Variants in FTO observed in about 807,000 individuals in gnomAD.
FTO encodes alpha-ketoglutarate-dependent dioxygenase FTO.
A neutral mutation model predicts 63.9 loss-of-function variants in FTO; 47 were observed. The observed-to-expected ratio is 0.74, with a 90% CI of 0.58 to 0.94. FTO has a LOEUF of 0.94. Among genes scored for constraint, FTO ranks in the 40% least tolerant of loss-of-function variants. FTO has a pLI of 0.00. For missense variants in FTO, 562 were observed against 618.1 expected (o/e 0.91, Z 0.96); for synonymous variants, 207 against 224.4 (o/e 0.92, Z 0.69).
chr16:53,712,894 T>G (rs1285083009), intron 1 of FTO, among the ~76,000 whole-genome samples: 1 of 152,036 alleles, frequency 6.6e-6, no homozygotes, highest in Non-Finnish European at 1.5e-5. Flanking sequence ...CTGAGTTTAG[T>G]GATACAGATT....
intron 7 of FTO, chr16:53,922,966 CTAAT>C (rs1396308014): frequency 1.3e-5 from 2 of 152,146 alleles, no homozygotes; most frequent in Non-Finnish European, 2.9e-5. Flanking sequence ...CTTGGTAAGA[CTAAT>C]TATGCTGTTT....
At chr16:53,872,162 A>C (rs1034088158) in intron 4 of FTO, among the ~76,000 whole-genome samples, 12 of 152,138 alleles carry the variant, frequency 7.9e-5, no homozygotes, top group African/African-American at 2.9e-4. Flanking sequence ...ATGTAGTGGG[A>C]GCCATTTTGG....
At chr16:54,098,900 T>C (rs532608884) in intron 8 of FTO, among the ~76,000 whole-genome samples, 10 of 152,368 alleles carry the variant, frequency 6.6e-5, no homozygotes, top group South Asian at 2.1e-4. Context: ...AAATGTTTTT[T>C]AGAATGTTGT....
At chr16:53,951,440 C>T (rs1026775580) in intron 8 of FTO, among the ~76,000 whole-genome samples, 3 of 152,194 alleles carry the variant, frequency 2.0e-5, no homozygotes, top group African/African-American at 7.2e-5. Flanking sequence ...GTCTAATCTA[C>T]AGTGACTTTG....
intron 1 of FTO, among the ~76,000 whole-genome samples, chr16:53,739,047 A>G (rs1483142548): frequency 6.6e-6 from 1 of 152,080 alleles, no homozygotes; most frequent in African/African-American, 2.4e-5. Context: ...AACTGGTCTC[A>G]AACTCCTGGG....
At chr16:53,735,587 T>C (rs2076374683) in intron 1 of FTO, among the ~76,000 whole-genome samples, 1 of 152,192 alleles carries the variant, frequency 6.6e-6, no homozygotes, top group Non-Finnish European at 1.5e-5. Context: ...CAAAAACAAA[T>C]CTGCTCTTAA....
chr16:53,984,949 G>A (rs2083632231), intron 8 of FTO: 1 of 456,544 alleles, frequency 2.2e-6, no homozygotes, highest in Admixed American at 2.3e-5. Context: ...GCAGAGAGGA[G>A]TGTTGGTAAG....
At chr16:53,860,881 AAC>A (rs35826323) in intron 4 of FTO, among the ~76,000 whole-genome samples, 40,137 of 145,358 alleles carry the variant, frequency 0.28, 5,359 homozygotes, top group South Asian at 0.36. Context: ...AAATGTTTTT[AAC>A]ACACACACAC....
At chr16:53,802,448 A>G (rs1203382979) in intron 1 of FTO, among the ~76,000 whole-genome samples, 1 of 152,110 alleles carries the variant, frequency 6.6e-6, no homozygotes, top group Non-Finnish European at 1.5e-5. Flanking sequence ...TGGAGGGCCA[A>G]CTGTATTTTC....
At chr16:53,830,165 G>A (rs1191265404) in intron 3 of FTO, among the ~76,000 whole-genome samples, 1 of 152,174 alleles carries the variant, frequency 6.6e-6, no homozygotes, top group Non-Finnish European at 1.5e-5. Context: ...TATAGGATAC[G>A]TGTAATTATA....
intron 8 of FTO, chr16:54,052,685 G>A (rs1470433481): frequency 2.0e-5 from 3 of 152,028 alleles, no homozygotes; most frequent in Non-Finnish European, 4.4e-5. Flanking sequence ...TAAGAGGAAA[G>A]GGCTTCTCAA....
At chr16:53,760,779 G>T (rs550419762) in intron 1 of FTO, among the ~76,000 whole-genome samples, 2 of 151,172 alleles carry the variant, frequency 1.3e-5, no homozygotes, top group Non-Finnish European at 2.9e-5. Context: ...GGTATGCACC[G>T]CTATGCCCAG....
chr16:53,711,163 GTA>G (rs60261423), intron 1 of FTO, among the ~76,000 whole-genome samples: 4 of 150,084 alleles, frequency 2.7e-5, no homozygotes, highest in Admixed American at 6.7e-5. Flanking sequence ...TATTCTGTAT[GTA>G]TATATATATA....
chr16:53,988,255 A>G (rs2083719450), intron 8 of FTO, among the ~76,000 whole-genome samples: 1 of 152,184 alleles, frequency 6.6e-6, no homozygotes, highest in Admixed American at 6.5e-5. Flanking sequence ...TTCCTTGTAA[A>G]TATGGTTAAA....
At chr16:54,077,738 G>A (rs1376420066) in intron 8 of FTO, among the ~76,000 whole-genome samples, 2 of 152,104 alleles carry the variant, frequency 1.3e-5, no homozygotes, top group Admixed American at 1.3e-4. Flanking sequence ...TCAGATGGCA[G>A]GGGGGCAGGT....
At chr16:53,812,528 T>C (rs1414525594) in intron 2 of FTO, among the ~76,000 whole-genome samples, 1 of 152,220 alleles carries the variant, frequency 6.6e-6, no homozygotes, top group Non-Finnish European at 1.5e-5. Context: ...TCTCACTTAA[T>C]TGTAATGAAT....
chr16:54,115,005 C>G lies in FTO; in HGVS notation c.*3090C>G, dbSNP rs2086964773. The G allele has an allele frequency of 6.6e-6, 1 of 152,298 alleles. No individual in the cohort carries two copies. The highest frequency in any genetic ancestry group is 1.5e-5 in the Non-Finnish European group (1 of 68,122). 9.4% of individuals were successfully genotyped at this position (152,298 alleles called of 1,614,324 possible). On this transcript the variant is annotated 3_prime_UTR_variant, in exon 9 of 9. Transcript: ENST00000471389. ...TGGGCAAGACCCAATAAAAAAGCAGCTGGTGCGGGCAATGACAATGAACTC... is the reference window on the plus strand; with the variant it reads ...TGGGCAAGACCCAATAAAAAAGCAGGTGGTGCGGGCAATGACAATGAACTC...
At chr16:54,066,677 TC>T (rs1250188375) in intron 8 of FTO, among the ~76,000 whole-genome samples, 2 of 152,328 alleles carry the variant, frequency 1.3e-5, no homozygotes, top group Non-Finnish European at 2.9e-5. Context: ...CTGACTCATG[TC>T]CCAGGCATTT....
At chr16:53,900,083 T>G (rs558736012) in intron 7 of FTO, among the ~76,000 whole-genome samples, 4 of 152,280 alleles carry the variant, frequency 2.6e-5, no homozygotes, top group Admixed American at 2.0e-4. Flanking sequence ...TTCTGACTGG[T>G]TCTAGAGTGC....
Sources: allele counts gnomAD v4.1 joint callset (sites outside exome capture counted in the v4.1 genomes callset), GRCh38; gene constraint gnomAD v4.1.1; transcripts MANE v1.5; gene names NCBI Gene and HGNC (gene_info 2026-07-23, HGNC 2026-07-21).